The following VWC2 variants were observed in gnomAD, a reference collection of about 807,000 sequenced individuals.
VWC2 encodes the protein von Willebrand factor C domain containing 2.
In VWC2, 14 loss-of-function variants were observed where a neutral mutation model predicts 29.8. The ratio of observed to expected loss-of-function variants is 0.47; its 90% CI spans 0.31 to 0.74. The LOEUF (loss-of-function observed/expected upper bound fraction) is 0.74, where lower values mean the gene tolerates loss of function less well. Among genes scored for constraint, VWC2 ranks in the 30% least tolerant of loss-of-function variants. The pLI is 0.05. For synonymous variants in VWC2, 213 were observed against 199.0 expected, an observed-to-expected ratio of 1.07 and a Z score of -0.59; for missense variants, 457 against 459.8, an observed-to-expected ratio of 0.99 and a Z score of 0.05.
intron 3 of VWC2, among the ~76,000 whole-genome samples, chr7:49,841,171 T>C (rs149283375): frequency 8.6e-4 from 131 of 152,284 alleles, no homozygotes; most frequent in African/African-American, 2.9e-3. Flanking sequence ...CAAGTGGCCT[T>C]TGTGCTCCAG....
intron 3 of VWC2, among the ~76,000 whole-genome samples, chr7:49,836,716 T>TA (rs1428283686): frequency 1.3e-5 from 2 of 151,984 alleles, no homozygotes; most frequent in East Asian, 1.9e-4. Flanking sequence ...CATGGATTTA[T>TA]AAAAAATCTT....
In VWC2 at chr7:49,914,246, T is replaced by A. The variant is rs751442281; in HGVS notation, c.*2061T>A. ...CAGTCCATGCAGCTCAAAGTCTTCC[T>A]GTTTCCCTTAATAATAATTCCTACC... On this transcript the variant is annotated 3_prime_UTR_variant, in exon 4 of 4. Coordinates refer to ENST00000340652, the MANE Select transcript of VWC2 (RefSeq NM_198570.5). 5.9e-5 allele frequency: 9 copies of A among 152,388 alleles called. No individual in the cohort carries two copies. The South Asian group carries it at 1.9e-3, about 32-fold the overall frequency. 9.4% of individuals were successfully genotyped at this position (152,388 alleles called of 1,614,324 possible).
At chr7:49,829,571 C>T (rs1789480097) in intron 3 of VWC2, among the ~76,000 whole-genome samples, 1 of 152,254 alleles carries the variant, frequency 6.6e-6, no homozygotes, top group Non-Finnish European at 1.5e-5. Flanking sequence ...GCTGCAGACT[C>T]ATTCCATGGC....
At chr7:49,841,907 C>A (rs910926764) in intron 3 of VWC2, among the ~76,000 whole-genome samples, 1 of 151,850 alleles carries the variant, frequency 6.6e-6, no homozygotes, top group African/African-American at 2.4e-5. Flanking sequence ...GCTCTTATTG[C>A]CCAGACTGCA....
intron 3 of VWC2, among the ~76,000 whole-genome samples, chr7:49,832,517 A>G (rs1382672337): frequency 2.0e-5 from 3 of 152,172 alleles, no homozygotes; most frequent in Non-Finnish European, 2.9e-5. Context: ...CAAAAAGTGT[A>G]TTGGTCATTT....
intron 2 of VWC2, among the ~76,000 whole-genome samples, chr7:49,786,102 AT>A (rs1426042798): frequency 5.3e-5 from 8 of 152,184 alleles, no homozygotes; most frequent in African/African-American, 1.9e-4. Context: ...TGAACATAGT[AT>A]GCAACAGTTA....
At position 49,919,360 on chromosome 7, in the gene VWC2, T is replaced by A. The variant is rs146156209; in HGVS notation, c.*7175T>A. 8.0e-4 allele frequency: 122 copies of A among 152,298 alleles called. 1 individual carries two copies. The highest frequency in any genetic ancestry group is 6.8e-3 in the Middle Eastern group (2 of 294). The allele number at this position is 152,298 out of a possible 1,614,324, so 9.4% of individuals were successfully genotyped here. ...ATGGCATCACATGCCATTTTGAACT[T>A]TTGCATTAAAGTCATAAACTTACAT... On this transcript the variant is annotated 3_prime_UTR_variant, in exon 4 of 4. Coordinates refer to ENST00000340652, the MANE Select transcript of VWC2 (RefSeq NM_198570.5).
At chr7:49,819,464 C>T (rs531571404) in intron 3 of VWC2, among the ~76,000 whole-genome samples, 4 of 152,308 alleles carry the variant, frequency 2.6e-5, no homozygotes, top group African/African-American at 7.2e-5. Flanking sequence ...AGCCAAAACA[C>T]GGGCCATGCT....
chr7:49,866,601 T>C (rs937280950), intron 3 of VWC2, among the ~76,000 whole-genome samples: 1 of 152,160 alleles, frequency 6.6e-6, no homozygotes, highest in African/African-American at 2.4e-5. Context: ...ACAGCCTCCT[T>C]CTTGATGGGA....
chr7:49,841,309 CTTT>C (rs11294642), intron 3 of VWC2, among the ~76,000 whole-genome samples: 20 of 145,772 alleles, frequency 1.4e-4, no homozygotes, highest in Non-Finnish European at 1.5e-4. Context: ...TTACACATTA[CTTT>C]TTTTTTTTTT....
intron 3 of VWC2, among the ~76,000 whole-genome samples, chr7:49,838,135 G>A (rs554597402): frequency 6.6e-6 from 1 of 152,184 alleles, no homozygotes; most frequent in Non-Finnish European, 1.5e-5. Flanking sequence ...GATCCTGAAG[G>A]CTGTCTTCCC....
intron 3 of VWC2, among the ~76,000 whole-genome samples, chr7:49,863,149 A>G (rs896889598): frequency 6.6e-6 from 1 of 152,136 alleles, no homozygotes; most frequent in African/African-American, 2.4e-5. Flanking sequence ...TTCACTTGTT[A>G]TAGGTGTTTT....
chr7:49,803,823 G>T (rs1188975526), intron 3 of VWC2, among the ~76,000 whole-genome samples: 2 of 152,160 alleles, frequency 1.3e-5, no homozygotes, highest in African/African-American at 4.8e-5. Flanking sequence ...AATTGTGCGG[G>T]CCATGAGGTT....
At chr7:49,843,385 C>G (rs536771174) in intron 3 of VWC2, among the ~76,000 whole-genome samples, 1 of 152,210 alleles carries the variant, frequency 6.6e-6, no homozygotes, top group African/African-American at 2.4e-5. Flanking sequence ...CTCAGTGAGG[C>G]CCATGGACGT....
chr7:49,795,728 C>T (rs1788572663), intron 2 of VWC2, among the ~76,000 whole-genome samples: 1 of 152,172 alleles, frequency 6.6e-6, no homozygotes, highest in South Asian at 2.1e-4. Flanking sequence ...GATCTTGTGT[C>T]TTTCCAACCA....
At chr7:49,891,597 C>G (rs1475438556) in intron 3 of VWC2, among the ~76,000 whole-genome samples, 1 of 152,024 alleles carries the variant, frequency 6.6e-6, no homozygotes, top group African/African-American at 2.4e-5. Context: ...CCGCCAGGGT[C>G]GATAAAATAT....
chr7:49,821,654 A>G (rs1227412663), intron 3 of VWC2, among the ~76,000 whole-genome samples: 5 of 151,190 alleles, frequency 3.3e-5, no homozygotes, highest in Non-Finnish European at 7.4e-5. Flanking sequence ...AAACAAATCT[A>G]TTCTTGGATG....
At chr7:49,852,884 T>TTTTA (rs1396432301) in intron 3 of VWC2, among the ~76,000 whole-genome samples, 1 of 152,238 alleles carries the variant, frequency 6.6e-6, no homozygotes, top group African/African-American at 2.4e-5. Flanking sequence ...AACTGGCTTC[T>TTTTA]GTAAAGCCAG....
At chr7:49,808,660 T>C (rs539933647) in intron 3 of VWC2, among the ~76,000 whole-genome samples, 132 of 152,142 alleles carry the variant, frequency 8.7e-4, no homozygotes, top group African/African-American at 3.1e-3. Context: ...AAGGACTTAA[T>C]CATATAAAGT....
Sources: allele counts gnomAD v4.1 joint callset (sites outside exome capture counted in the v4.1 genomes callset), GRCh38; gene constraint gnomAD v4.1.1; transcripts MANE v1.5; gene names NCBI Gene and HGNC (gene_info 2026-07-23, HGNC 2026-07-21).